Variants in SEMA5A observed in about 807,000 individuals in gnomAD.
The protein encoded by SEMA5A is semaphorin 5A, also known as semaphorin-5A.
Under a neutral mutation model 135.5 loss-of-function variants are expected in SEMA5A, and 55 were observed. The observed-to-expected ratio is 0.41, with a 90% CI of 0.33 to 0.51. The LOEUF is 0.51. Ranked by LOEUF, SEMA5A falls within the 20% of genes least tolerant of loss-of-function variation. The pLI, the probability that SEMA5A is intolerant of heterozygous loss-of-function variation, is 0.37. For synonymous variants in SEMA5A, 580 were observed against 546.5 expected (o/e 1.06, Z -0.85); for missense variants, 1,290 against 1,419.9 (o/e 0.91, Z 1.47).
chr5:9,435,780 G>A (rs573961901), intron 2 of SEMA5A, among the ~76,000 whole-genome samples: 31 of 152,242 alleles, frequency 2.0e-4, no homozygotes, highest in South Asian at 1.0e-3. Context: ...ATACTACAAC[G>A]GCAGAGTGAT....
Position 9,066,501 on chromosome 5 carries a change from G to C in SEMA5A, c.2219C>G (p.Pro740Arg), listed in dbSNP as rs199817743. ...CTGTCTTCCCACTTCCAGCAAATTC[G>C]GATCAGCCAGGCGGGCTTTGCATGT... ...RYTCKARLAD[P>R]NLLEVGRQRI... Residue 740 changes from proline to arginine, a missense_variant, in exon 17 of 23, where the codon CCG becomes CGG. Transcript: ENST00000382496. 3 of 1,614,118 alleles carry C rather than the reference G, an allele frequency of 1.9e-6. No individual in the cohort carries two copies. The highest frequency in any genetic ancestry group is 2.2e-5 in the South Asian group (2 of 91,074).
At chr5:9,295,932 C>A (rs1751314061) in intron 5 of SEMA5A, among the ~76,000 whole-genome samples, 1 of 152,204 alleles carries the variant, frequency 6.6e-6, no homozygotes, top group South Asian at 2.1e-4. Flanking sequence ...ATCCAAATAT[C>A]ACCCAATGCT....
chr5:9,100,116 C>T (rs940087622), intron 16 of SEMA5A, among the ~76,000 whole-genome samples: 7 of 152,190 alleles, frequency 4.6e-5, no homozygotes, highest in Non-Finnish European at 8.8e-5. Context: ...CATGGCTATG[C>T]GATGACTGGG....
chr5:9,096,401 A>C (rs1326969329), intron 16 of SEMA5A, among the ~76,000 whole-genome samples: 1 of 152,066 alleles, frequency 6.6e-6, no homozygotes, highest in Non-Finnish European at 1.5e-5. Context: ...TCCATATATG[A>C]GACCTTTTGT....
intron 18 of SEMA5A, among the ~76,000 whole-genome samples, chr5:9,055,096 T>A (rs931506027): frequency 6.6e-6 from 1 of 152,052 alleles, no homozygotes. Context: ...AATGCTGGGG[T>A]CAGGTGGCCC....
At chr5:9,487,577 C>T (rs1338602407) in intron 1 of SEMA5A, among the ~76,000 whole-genome samples, 1 of 152,094 alleles carries the variant, frequency 6.6e-6, no homozygotes, top group African/African-American at 2.4e-5. Context: ...ATAATAATTC[C>T]ATATGTGGAG....
chr5:9,269,011 A>G (rs1466768935), intron 5 of SEMA5A, among the ~76,000 whole-genome samples: 1 of 152,150 alleles, frequency 6.6e-6, no homozygotes, highest in Non-Finnish European at 1.5e-5. Context: ...TAAGGACAAA[A>G]CACATTTTTG....
At position 9,318,384 on chromosome 5, in the gene SEMA5A, C is replaced by A. The variant is rs757680708; in HGVS notation, c.258G>T (p.Leu86=). 2.5e-6 allele frequency: 4 copies of A among 1,612,454 alleles called. No homozygotes were observed. ...AAATTGCACCTACCTGGATAAGAGA[C>A]AGATCCTCAAGCTGTAACCTGAAGA... ...NYLFRLQLED[L]SLIQAVEWEC... Residue 86 remains leucine, a synonymous_variant, in exon 5 of 23, where the codon CTG becomes CTT. Transcript: ENST00000382496.
chr5:9,522,640 T>C (rs1308983419), intron 1 of SEMA5A: 1 of 152,140 alleles, frequency 6.6e-6, no homozygotes, highest in African/African-American at 2.4e-5. Flanking sequence ...CCTGTATGTG[T>C]TTAACTCCAC....
Position 9,525,705 on chromosome 5 carries a change from C to T in SEMA5A, c.-175+19879G>A, listed in dbSNP as rs191968638. On this transcript the variant is annotated intron_variant, in intron 1 of 22. Transcript: ENST00000382496. ...TTCCAGGTCCTGTCCCTGCTAAAATCCTCACATGAAGTAGAACTAGAATGA... is the reference window on the plus strand; with the variant it reads ...TTCCAGGTCCTGTCCCTGCTAAAATTCTCACATGAAGTAGAACTAGAATGA... Among the ~76,000 whole-genome samples the T allele has an allele frequency of 2.6e-3, 394 of 152,328 alleles. 2 individuals are homozygous for T. In the South Asian group the frequency reaches 0.033, roughly 13 times the overall value.
chr5:9,298,664 T>G (rs1249473112), intron 5 of SEMA5A, among the ~76,000 whole-genome samples: 5 of 152,222 alleles, frequency 3.3e-5, no homozygotes, highest in Non-Finnish European at 2.9e-5. Flanking sequence ...TTAAGAATAT[T>G]GACTATAAGG....
intron 18 of SEMA5A, among the ~76,000 whole-genome samples, chr5:9,061,004 C>G (rs566402148): frequency 6.6e-6 from 1 of 151,790 alleles, no homozygotes; most frequent in Non-Finnish European, 1.5e-5. Context: ...TTCACCAACT[C>G]GTTTCTGTCC....
intron 2 of SEMA5A, among the ~76,000 whole-genome samples, chr5:9,412,218 T>C (rs1673057671): frequency 1.3e-5 from 2 of 151,890 alleles, no homozygotes; most frequent in Non-Finnish European, 1.5e-5. Flanking sequence ...AAAACATAGG[T>C]AGAAAAATCA....
chr5:9,160,173 T>C (rs931683605), intron 11 of SEMA5A, among the ~76,000 whole-genome samples: 1 of 152,108 alleles, frequency 6.6e-6, no homozygotes, highest in Non-Finnish European at 1.5e-5. Flanking sequence ...TGTTTTGCTA[T>C]TGTTGTTGTT....
At chr5:9,332,176 A>C (rs1057028286) in intron 4 of SEMA5A, among the ~76,000 whole-genome samples, 1 of 151,528 alleles carries the variant, frequency 6.6e-6, no homozygotes, top group Non-Finnish European at 1.5e-5. Flanking sequence ...TGGTGCTTAC[A>C]TCATGTCAGA....
chr5:9,402,312 C>T (rs1018993915), intron 2 of SEMA5A, among the ~76,000 whole-genome samples: 1 of 152,218 alleles, frequency 6.6e-6, no homozygotes, highest in Non-Finnish European at 1.5e-5. Context: ...CCACCAATTT[C>T]ACAAGAGATG....
intron 5 of SEMA5A, among the ~76,000 whole-genome samples, chr5:9,268,436 C>T (rs566841609): frequency 8.5e-5 from 13 of 152,152 alleles, no homozygotes; most frequent in East Asian, 7.7e-4. Flanking sequence ...CAGAAAACGG[C>T]GTCATGAGAC....
chr5:9,056,887 A>G (rs1345792707), intron 18 of SEMA5A, among the ~76,000 whole-genome samples: 1 of 152,254 alleles, frequency 6.6e-6, no homozygotes, highest in Non-Finnish European at 1.5e-5. Flanking sequence ...ATGTCCATCA[A>G]GAGATGAATG....
At chr5:9,123,636 G>A (rs1740950436) in intron 13 of SEMA5A, among the ~76,000 whole-genome samples, 1 of 152,130 alleles carries the variant, frequency 6.6e-6, no homozygotes, top group Admixed American at 6.5e-5. Context: ...CCCATTGCAT[G>A]TTTATGTGCC....
Sources: allele counts gnomAD v4.1 joint callset (sites outside exome capture counted in the v4.1 genomes callset), GRCh38; gene constraint gnomAD v4.1.1; transcripts MANE v1.5; gene names NCBI Gene and HGNC (gene_info 2026-07-23, HGNC 2026-07-21).